The following LRRIQ1 variants were observed in gnomAD, a reference collection of about 807,000 sequenced individuals.
LRRIQ1 encodes the protein leucine-rich repeat- and IQ domain-containing protein 1.
Under a neutral mutation model 211.9 loss-of-function variants are expected in LRRIQ1, and 210 were observed. The observed-to-expected ratio is 0.99, with a 90% CI of 0.89 to 1.11. The LOEUF (loss-of-function observed/expected upper bound fraction) is 1.11, where lower values mean the gene tolerates loss of function less well. Among genes scored for constraint, LRRIQ1 ranks in the 50% most tolerant of loss-of-function variants. The probability of loss-of-function intolerance (pLI) is 0.00; values close to 1 mark genes in which losing one functional copy is unlikely to be tolerated. For missense variants in LRRIQ1, 2,136 were observed against 1,939.5 expected (o/e 1.10, Z -1.90); for synonymous variants, 699 against 650.1 (o/e 1.08, Z -1.14).
chr12:85,119,885 A>G (rs1887849177), intron 15 of LRRIQ1, among the ~76,000 whole-genome samples: 1 of 151,912 alleles, frequency 6.6e-6, no homozygotes, highest in South Asian at 2.1e-4. Context: ...CTGATTGTTG[A>G]CTTTTGTTCT....
rs138977568 is a variant in LRRIQ1, at chr12:85,216,439, G to T, written c.4823-13078G>T. ...CAGGCAGTGTTCTATATTTTGAAAT[G>T]ATCAGAGGAATATTTTTATGAAATT... is the stretch of plus-strand genomic sequence containing the variant. On this transcript the variant is annotated intron_variant, in intron 24 of 26. Transcript: ENST00000393217. Among the ~76,000 whole-genome samples the T allele has an allele frequency of 5.1e-3, 772 of 151,720 alleles. 5 individuals are homozygous for T. The highest frequency in any genetic ancestry group is 0.02 in the South Asian group (96 of 4,802).
intron 24 of LRRIQ1, among the ~76,000 whole-genome samples, chr12:85,185,905 G>A (rs1174556567): frequency 4.6e-5 from 7 of 151,696 alleles, no homozygotes; most frequent in Non-Finnish European, 8.8e-5. Flanking sequence ...TATATATAAG[G>A]TGCATGCTAT....
chr12:85,111,204 C>G (rs1887148281), intron 15 of LRRIQ1, among the ~76,000 whole-genome samples: 1 of 152,154 alleles, frequency 6.6e-6, no homozygotes, highest in African/African-American at 2.4e-5. Context: ...CTGTACTTGG[C>G]TTTTGTAAGC....
chr12:85,040,142 G>C (rs1378651231), intron 2 of LRRIQ1, among the ~76,000 whole-genome samples: 1 of 151,362 alleles, frequency 6.6e-6, no homozygotes, highest in Non-Finnish European at 1.5e-5. Context: ...TTGCAGTTTT[G>C]ATTAATATTT....
chr12:85,125,114 G>C (rs1888286170), intron 17 of LRRIQ1, among the ~76,000 whole-genome samples: 3 of 152,122 alleles, frequency 2.0e-5, no homozygotes, highest in Admixed American at 2.0e-4. Flanking sequence ...GGGAGGTGGA[G>C]GTTGCAGTGA....
At chr12:85,221,447 G>A (rs930295359) in intron 24 of LRRIQ1, among the ~76,000 whole-genome samples, 63 of 152,230 alleles carry the variant, frequency 4.1e-4, no homozygotes, top group African/African-American at 1.3e-3. Context: ...TAGTAGGAAA[G>A]CAGACACATA....
At chr12:85,166,070 C>A (rs1359870116) in intron 24 of LRRIQ1, among the ~76,000 whole-genome samples, 1 of 152,104 alleles carries the variant, frequency 6.6e-6, no homozygotes. Flanking sequence ...CCCCACAGAG[C>A]CTATATTTTT....
At chr12:85,051,974 T>C (rs1880380987) in intron 6 of LRRIQ1, among the ~76,000 whole-genome samples, 1 of 152,184 alleles carries the variant, frequency 6.6e-6, no homozygotes, top group Non-Finnish European at 1.5e-5. Context: ...CTTCTTTATG[T>C]TCTCAGAATG....
rs1889545920 is a variant in LRRIQ1 at position 85,141,634 on chromosome 12, C to T, written c.4329+3665C>T. ...TAACGTATATCTTTCTAACCATTCT[C>T]ATTCAACTTTACTGTGATTTTATAT... On this transcript the variant is annotated intron_variant, in intron 19 of 26. Coordinates refer to ENST00000393217, the MANE Select transcript of LRRIQ1 (RefSeq NM_001079910.2). Among the ~76,000 whole-genome samples, 3 of 142,080 alleles carry T rather than the reference C, an allele frequency of 2.1e-5. No homozygotes were observed. In the Admixed American group the frequency reaches 2.2e-4, roughly 10 times the overall value. 93.2% of individuals were successfully genotyped at this position (142,080 alleles called of 152,430 possible).
At chr12:85,159,145 T>C (rs560942208) in intron 23 of LRRIQ1, among the ~76,000 whole-genome samples, 1 of 152,134 alleles carries the variant, frequency 6.6e-6, no homozygotes, top group South Asian at 2.1e-4. Context: ...AGATAACCTT[T>C]CTAAATATTT....
At chr12:85,232,829 T>A in intron 26 of LRRIQ1, 73 bp downstream of exon 26, 2 of 990,036 alleles carry the variant, frequency 2.0e-6, no homozygotes, top group Non-Finnish European at 3.2e-6. Flanking sequence ...CTTTAAGATA[T>A]GTTTATAATT....
intron 3 of LRRIQ1, 25 bp downstream of exon 3, chr12:85,040,626 G>A: frequency 7.3e-7 from 1 of 1,366,618 alleles, no homozygotes; most frequent in Non-Finnish European, 1.0e-6. Context: ...CATCTGTCTG[G>A]CAGATAAGCT....
Position 85,044,805 on chromosome 12 carries a change from T to C in LRRIQ1, c.332T>C (p.Ile111Thr). The change falls in exon 4 of 27, where the codon ATT becomes ACT. Residue 111 changes from isoleucine to threonine, a missense_variant. Transcript: ENST00000393217. ...TEYEESSEQL[I>T]KILSEIEKEE... ...TATGAAGAAAGTTCAGAGCAATTAA[T>C]TAAGGTATATATTCAATATTTGACT... 1.4e-6 allele frequency: 2 copies of C among 1,391,838 alleles called. No homozygotes were observed. Among genetic ancestry groups the C allele is most frequent in the Middle Eastern group, 1.8e-4 (1 of 5,552 alleles). The allele number at this position is 1,391,838 out of a possible 1,614,324, so 86.2% of individuals were successfully genotyped here. A position where few individuals can be genotyped will look rare whatever the true frequency, so the allele number is the denominator to read the frequency against.
chr12:85,072,841 GCTATAACCACTT>G, intron 10 of LRRIQ1, 54 bp from the exon 11 acceptor site: 1 of 1,178,516 alleles, frequency 8.5e-7, no homozygotes, highest in South Asian at 1.8e-5. Flanking sequence ...TCTCATATAA[GCTATAACCACTT>G]GCATTTATTA....
At chr12:85,210,885 G>C (rs1305591495) in intron 24 of LRRIQ1, among the ~76,000 whole-genome samples, 1 of 152,150 alleles carries the variant, frequency 6.6e-6, no homozygotes, top group East Asian at 1.9e-4. Flanking sequence ...TTTTCCTCTA[G>C]TGCAAAGCAT....
At chr12:85,243,575 A>G (rs576562439) in intron 26 of LRRIQ1, among the ~76,000 whole-genome samples, 67 of 151,302 alleles carry the variant, frequency 4.4e-4, no homozygotes, top group African/African-American at 1.4e-3. Flanking sequence ...GAGGCAATAC[A>G]TATGTTAATT....
intron 11 of LRRIQ1, among the ~76,000 whole-genome samples, chr12:85,074,863 G>A (rs537949124): frequency 1.3e-5 from 2 of 152,078 alleles, no homozygotes; most frequent in East Asian, 1.9e-4. Context: ...AGTTTTTAAA[G>A]TAAGAATAGC....
chr12:85,085,111 T>A (rs945617919), intron 11 of LRRIQ1, among the ~76,000 whole-genome samples: 1 of 152,110 alleles, frequency 6.6e-6, no homozygotes, highest in Non-Finnish European at 1.5e-5. Context: ...TTTTTTTGCG[T>A]GTTTCCCCCG....
intron 24 of LRRIQ1, among the ~76,000 whole-genome samples, chr12:85,210,261 C>T (rs1893774632): frequency 6.6e-6 from 1 of 152,230 alleles, no homozygotes; most frequent in Admixed American, 6.5e-5. Context: ...TATGTAAGTA[C>T]ATTCTGAAGA....
Sources: allele counts gnomAD v4.1 joint callset (sites outside exome capture counted in the v4.1 genomes callset), GRCh38; gene constraint gnomAD v4.1.1; transcripts MANE v1.5; gene names NCBI Gene and HGNC (gene_info 2026-07-23, HGNC 2026-07-21).